The following DCC variants were observed in gnomAD, a reference collection of about 807,000 sequenced individuals.
DCC encodes the protein DCC netrin 1 receptor.
Under a neutral mutation model 172.5 loss-of-function variants are expected in DCC, and 58 were observed. That is an observed-to-expected ratio of 0.34 (90% CI 0.27 to 0.42). The LOEUF (loss-of-function observed/expected upper bound fraction) is 0.42, where lower values mean the gene tolerates loss of function less well. Among genes scored for constraint, DCC ranks in the 10% least tolerant of loss-of-function variants. The pLI is 1.00. For missense variants in DCC, 1,740 were observed against 1,791.0 expected (o/e 0.97, Z 0.51); for synonymous variants, 709 against 644.5 (o/e 1.10, Z -1.52).
chr18:52,374,027 G>T (rs1404456421), intron 1 of DCC, among the ~76,000 whole-genome samples: 2 of 151,602 alleles, frequency 1.3e-5, no homozygotes, highest in African/African-American at 4.8e-5. Flanking sequence ...GAGTAGCTGG[G>T]ACTACAGGCG....
At chr18:52,840,354 G>A (rs1178661991) in intron 2 of DCC, among the ~76,000 whole-genome samples, 1 of 152,084 alleles carries the variant, frequency 6.6e-6, no homozygotes, top group African/African-American at 2.4e-5. Context: ...CATGAGACAG[G>A]GATTGCTTTA....
chr18:53,470,927 A>G (rs147908051), intron 25 of DCC, among the ~76,000 whole-genome samples: 8 of 152,212 alleles, frequency 5.3e-5, no homozygotes, highest in South Asian at 2.1e-4. Context: ...ATATAAATCA[A>G]CTTACTCTGT....
At chr18:53,310,079 T>C (rs2057248769) in intron 13 of DCC, among the ~76,000 whole-genome samples, 2 of 151,652 alleles carry the variant, frequency 1.3e-5, no homozygotes, top group Non-Finnish European at 2.9e-5. Flanking sequence ...CGTTCCCTCC[T>C]CTCCCCTGCT....
intron 12 of DCC, among the ~76,000 whole-genome samples, chr18:53,242,870 AGG>A (rs775882889): frequency 1.7e-5 from 2 of 114,318 alleles, no homozygotes; most frequent in African/African-American, 7.5e-5. Context: ...GATGACAAGT[AGG>A]TGTGTGTGTG....
At chr18:53,262,087 C>T (rs1443454621) in intron 12 of DCC, among the ~76,000 whole-genome samples, 2 of 152,174 alleles carry the variant, frequency 1.3e-5, no homozygotes, top group African/African-American at 4.8e-5. Context: ...AGTTTCTGTT[C>T]TTACACAAAG....
intron 12 of DCC, among the ~76,000 whole-genome samples, chr18:53,219,294 C>T (rs930170499): frequency 6.6e-6 from 1 of 152,132 alleles, no homozygotes; most frequent in Non-Finnish European, 1.5e-5. Context: ...CTTCAAACAT[C>T]TGTGCCTGTG....
intron 5 of DCC, among the ~76,000 whole-genome samples, chr18:53,047,463 ACCATTTTTGC>A (rs1568268502): frequency 0.071 from 5,949 of 84,002 alleles, 466 homozygotes; most frequent in African/African-American, 0.1. Context: ...ATATATATAT[ACCATTTTTGC>A]TATTGAGGAA....
intron 7 of DCC, among the ~76,000 whole-genome samples, chr18:53,144,237 TAC>T (rs1291012988): frequency 2.0e-5 from 3 of 152,216 alleles, no homozygotes; most frequent in Admixed American, 2.0e-4. Context: ...TTTGTTTCAA[TAC>T]AGTCATATTT....
rs574460231 is a variant in DCC, at chr18:52,418,061, T to C, written c.91+77183T>C. Among the ~76,000 whole-genome samples, 3 of 152,340 alleles carry C rather than the reference T, an allele frequency of 2.0e-5. No individual in the cohort carries two copies. The East Asian group carries it at 5.8e-4, about 29-fold the overall frequency. On this transcript the variant is annotated intron_variant, in intron 1 of 28. Transcript: ENST00000442544. ...CTAAAAGAAAACAATGGTCAAATTT[T>C]GTTCTTTAGTTCACTTGCTCCAGGT...
At chr18:52,682,284 A>G (rs2035761293) in intron 1 of DCC, among the ~76,000 whole-genome samples, 1 of 152,132 alleles carries the variant, frequency 6.6e-6, no homozygotes, top group Non-Finnish European at 1.5e-5. Context: ...CCTTTACTCT[A>G]CAGACCAGGT....
At chr18:53,186,780 C>T (rs772679005) in intron 9 of DCC, among the ~76,000 whole-genome samples, 1 of 152,132 alleles carries the variant, frequency 6.6e-6, no homozygotes, top group Non-Finnish European at 1.5e-5. Context: ...AAATGTATTG[C>T]TCATGGTTCT....
intron 7 of DCC, among the ~76,000 whole-genome samples, chr18:53,111,098 A>G (rs922741992): frequency 2.0e-5 from 3 of 150,122 alleles, no homozygotes; most frequent in African/African-American, 4.9e-5. Flanking sequence ...TGTCCTTTGT[A>G]GGGACATGGA....
intron 5 of DCC, among the ~76,000 whole-genome samples, chr18:52,991,180 T>C (rs924709151): frequency 6.6e-6 from 1 of 152,228 alleles, no homozygotes; most frequent in African/African-American, 2.4e-5. Context: ...TCTGTTGCAA[T>C]TGTAGAACCT....
In DCC at chr18:53,317,245, G is replaced by A. The variant is rs150140886; in HGVS notation, c.2054-4802G>A. On this transcript the variant is annotated intron_variant, in intron 13 of 28. Coordinates refer to ENST00000442544, the MANE Select transcript of DCC (RefSeq NM_005215.4). ...GTGACAAAATATCTCAAAATATTGA[G>A]ATAATCATATGGTTCTGTTTATGTG... Among the ~76,000 whole-genome samples the A allele has an allele frequency of 3.9e-5, 6 of 152,278 alleles. No homozygotes were observed. In the East Asian group the frequency reaches 1.2e-3, roughly 29 times the overall value.
chr18:52,954,385 A>G (rs1291802127), intron 5 of DCC, among the ~76,000 whole-genome samples: 1 of 152,032 alleles, frequency 6.6e-6, no homozygotes, highest in Non-Finnish European at 1.5e-5. Flanking sequence ...GTAATTTGTC[A>G]TTTTACTATA....
intron 1 of DCC, among the ~76,000 whole-genome samples, chr18:52,735,518 A>T (rs1453572558): frequency 6.6e-6 from 1 of 152,152 alleles, no homozygotes; most frequent in Non-Finnish European, 1.5e-5. Context: ...GAAGCCAGGA[A>T]GCCAGTCTGA....
At chr18:53,402,397 AAAAAAAAT>A (rs1414567619) in intron 18 of DCC, among the ~76,000 whole-genome samples, 1 of 127,944 alleles carries the variant, frequency 7.8e-6, no homozygotes, top group African/African-American at 2.6e-5. Flanking sequence ...CTCAAAAAAA[AAAAAAAAT>A]AAATAAATAA....
Position 53,412,681 on chromosome 18 carries a change from A to G in DCC, c.3130+2035A>G, listed in dbSNP as rs1397539188. On this transcript the variant is annotated intron_variant, in intron 20 of 28. Transcript: ENST00000442544. ...GGTAATGGGCAAGTATTTCATAGTA[A>G]TGCTTGTGCCAGGCAGGTGTCCACG... Among the ~76,000 whole-genome samples, 4 of 152,254 alleles carry G rather than the reference A, an allele frequency of 2.6e-5. No individual in the cohort carries two copies. In the South Asian group the frequency reaches 6.2e-4, roughly 24 times the overall value.
At chr18:52,688,436 T>C (rs960634236) in intron 1 of DCC, among the ~76,000 whole-genome samples, 9 of 152,140 alleles carry the variant, frequency 5.9e-5, no homozygotes, top group African/African-American at 2.2e-4. Flanking sequence ...ATCCAAATTA[T>C]TTTTAAGACC....
Sources: allele counts gnomAD v4.1 joint callset (sites outside exome capture counted in the v4.1 genomes callset), GRCh38; gene constraint gnomAD v4.1.1; transcripts MANE v1.5; gene names NCBI Gene and HGNC (gene_info 2026-07-23, HGNC 2026-07-21).